RANBP2: variants seen among roughly 807,000 people sequenced by gnomAD.
RANBP2 encodes the protein RAN binding protein 2.
In RANBP2, 57 loss-of-function variants were observed where a neutral mutation model predicts 303.6. That is an observed-to-expected ratio of 0.19 (90% CI 0.15 to 0.23). The LOEUF (loss-of-function observed/expected upper bound fraction) is 0.23. RANBP2 is among the 10% of genes least tolerant of loss of function. The pLI, the probability that RANBP2 is intolerant of heterozygous loss-of-function variation, is 1.00. For missense variants in RANBP2, 3,138 were observed against 3,780.8 expected (o/e 0.83, Z 4.46); for synonymous variants, 1,167 against 1,301.5 (o/e 0.90, Z 2.23).
chr2:109,613,884 T>C, the RANBP2 span: 2 of 1,218,910 alleles, frequency 1.6e-6, no homozygotes, highest in Non-Finnish European at 2.0e-6. Flanking sequence ...GAGCGGCTGG[T>C]CCCGGCGACG....
At chr2:109,264,774 AG>A in the RANBP2 span, among the ~76,000 whole-genome samples, 1 of 152,150 alleles carries the variant, frequency 6.6e-6, no homozygotes, top group Non-Finnish European at 1.5e-5. Flanking sequence ...CATTCTTCTG[AG>A]GGCCGTGGAG....
the RANBP2 span, among the ~76,000 whole-genome samples, chr2:108,809,697 C>T: frequency 7.9e-5 from 12 of 151,978 alleles, no homozygotes; most frequent in African/African-American, 2.7e-4. Flanking sequence ...TCAACTTTAC[C>T]AAATTTATCA....
chr2:108,865,049 C>T, the RANBP2 span, among the ~76,000 whole-genome samples: 1 of 152,056 alleles, frequency 6.6e-6, no homozygotes, highest in Admixed American at 6.5e-5. Context: ...TGTTTCCCTC[C>T]CTGGAGGGAA....
At chr2:109,493,195 CAT>C in the RANBP2 span, among the ~76,000 whole-genome samples, 1 of 151,518 alleles carries the variant, frequency 6.6e-6, no homozygotes, top group Non-Finnish European at 1.5e-5. Context: ...ACACACCACA[CAT>C]ATATCATATA....
the RANBP2 span, chr2:109,490,756 T>C: frequency 2.6e-6 from 4 of 1,536,514 alleles, no homozygotes; most frequent in Admixed American, 2.0e-5. Context: ...GTGTCCTCAC[T>C]GTCCATCCAC....
chr2:108,929,615 C>A, the RANBP2 span, among the ~76,000 whole-genome samples: 244 of 152,296 alleles, frequency 1.6e-3, 3 homozygotes, highest in South Asian at 0.011. Flanking sequence ...CTGAGCCTCC[C>A]CGAGATGAAT....
At chr2:109,701,446 G>A in the RANBP2 span, among the ~76,000 whole-genome samples, 9 of 152,134 alleles carry the variant, frequency 5.9e-5, no homozygotes, top group Non-Finnish European at 1.0e-4. Flanking sequence ...GCTGTACAGT[G>A]GTTTGGCCTG....
the RANBP2 span, among the ~76,000 whole-genome samples, chr2:108,948,205 A>G: frequency 7.2e-5 from 11 of 152,204 alleles, no homozygotes; most frequent in South Asian, 2.1e-4. Flanking sequence ...TCAGTTCCCA[A>G]TAAGTCCCTC....
At chr2:109,565,423 TATAAATTTA>T in the RANBP2 span, among the ~76,000 whole-genome samples, 216 of 152,318 alleles carry the variant, frequency 1.4e-3, no homozygotes, top group African/African-American at 4.6e-3. Flanking sequence ...AGTAAAAATA[TATAAATTTA>T]TAAGATGGTT....
At chr2:109,661,040 T>C in the RANBP2 span, among the ~76,000 whole-genome samples, 10 of 152,090 alleles carry the variant, frequency 6.6e-5, no homozygotes, top group Non-Finnish European at 1.5e-4. Flanking sequence ...TATGATAAAA[T>C]AGATAATGGC....
the RANBP2 span, among the ~76,000 whole-genome samples, chr2:109,458,174 T>C: frequency 6.6e-6 from 1 of 152,230 alleles, no homozygotes; most frequent in Non-Finnish European, 1.5e-5. Context: ...TGATAAGCTA[T>C]GTGCTTGCTT....
chr2:109,167,033 A>C, the RANBP2 span, among the ~76,000 whole-genome samples: 1 of 152,186 alleles, frequency 6.6e-6, no homozygotes, highest in Non-Finnish European at 1.5e-5. Flanking sequence ...CACACCACTC[A>C]TCGGTGTCCC....
chr2:109,014,723 G>A, the RANBP2 span, among the ~76,000 whole-genome samples: 2 of 152,214 alleles, frequency 1.3e-5, 1 homozygote, highest in Non-Finnish European at 2.9e-5. Context: ...TGAGAGGCGT[G>A]CAGGGCGCAG....
chr2:108,775,779 A>T lies in RANBP2; in HGVS notation c.8340A>T (p.Thr2780=). The T allele has an allele frequency of 6.2e-7, 1 of 1,613,884 alleles. No homozygotes were observed. The highest frequency in any genetic ancestry group is 1.3e-5 in the African/African-American group (1 of 75,058). The change falls in exon 24 of 29, where the codon ACA becomes ACT. Residue 2780 remains threonine, a synonymous_variant. Coordinates refer to ENST00000283195, the MANE Select transcript of RANBP2 (RefSeq NM_006267.5). Reference sequence around the variant, plus strand: ...CTAGCACAACTGACAGTGTATATACAGGTGGGACTGAAGTGATGGTACCTT... The same window carrying T: ...CTAGCACAACTGACAGTGTATATACTGGTGGGACTGAAGTGATGGTACCTT... The part of the protein sequence containing the change: ...EITSTTDSVY[T]GGTEVMVPSF...
chr2:108,814,799 C>A, the RANBP2 span, among the ~76,000 whole-genome samples: 2 of 151,646 alleles, frequency 1.3e-5, no homozygotes, highest in Admixed American at 1.3e-4. Context: ...CCACGCCTGG[C>A]TAATTTTTAT....
the RANBP2 span, among the ~76,000 whole-genome samples, chr2:109,154,011 T>G: frequency 1.3e-5 from 2 of 152,198 alleles, no homozygotes; most frequent in African/African-American, 4.8e-5. Context: ...ACCTGGTCAG[T>G]GATTCTGGTT....
At chr2:108,891,365 G>GT in the RANBP2 span, among the ~76,000 whole-genome samples, 1 of 152,202 alleles carries the variant, frequency 6.6e-6, no homozygotes, top group Non-Finnish European at 1.5e-5. Context: ...TTTTGGTTGA[G>GT]TAGGGTACTT....
the RANBP2 span, among the ~76,000 whole-genome samples, chr2:108,902,151 T>A: frequency 1.3e-5 from 2 of 149,712 alleles, no homozygotes; most frequent in Admixed American, 6.7e-5. Flanking sequence ...GAAAGGAGAA[T>A]CGCTTAAACC....
the RANBP2 span, among the ~76,000 whole-genome samples, chr2:109,588,850 T>TAAAA: frequency 4.5e-5 from 5 of 111,448 alleles, no homozygotes; most frequent in Admixed American, 3.9e-4. Flanking sequence ...CAATTACTAT[T>TAAAA]AAAAAAAAAA....
Sources: allele counts gnomAD v4.1 joint callset (sites outside exome capture counted in the v4.1 genomes callset), GRCh38; gene constraint gnomAD v4.1.1; transcripts MANE v1.5; gene names NCBI Gene and HGNC (gene_info 2026-07-23, HGNC 2026-07-21).